KDM4B: variants seen among roughly 807,000 people sequenced by gnomAD.
KDM4B encodes the protein lysine demethylase 4B.
A neutral mutation model predicts 125.2 loss-of-function variants in KDM4B; 32 were observed. The observed-to-expected ratio is 0.26, with a 90% CI of 0.19 to 0.34. The LOEUF (loss-of-function observed/expected upper bound fraction) is 0.34. Among genes scored for constraint, KDM4B ranks in the 10% least tolerant of loss-of-function variants. KDM4B has a pLI of 1.00. For synonymous variants in KDM4B, 721 were observed against 677.9 expected (o/e 1.06, Z -0.99); for missense variants, 1,190 against 1,577.7 (o/e 0.75, Z 4.16).
At chr19:5,132,327 T>C (rs1434391411) in intron 13 of KDM4B, among the ~76,000 whole-genome samples, 2 of 151,974 alleles carry the variant, frequency 1.3e-5, no homozygotes, top group African/African-American at 2.4e-5. Flanking sequence ...CTCCAGGACT[T>C]GGAGAGGTTG....
In KDM4B at chr19:5,122,202, G is replaced by A. The variant is rs78907426; in HGVS notation, c.1315+2350G>A. Among the ~76,000 whole-genome samples, 180 of 152,276 alleles carry A rather than the reference G, an allele frequency of 1.2e-3. 2 individuals carry two copies. The East Asian group carries it at 0.029, about 25-fold the overall frequency. ...TTCCTGCCTGTCTCAGTGTCTAGAG[G>A]CGCCCACATCTCTTGGCTCAGAGCC... On this transcript the variant is annotated intron_variant, in intron 11 of 22. Coordinates refer to ENST00000159111, the MANE Select transcript of KDM4B (RefSeq NM_015015.3).
chr19:5,080,001 G>A (rs1035281991), intron 8 of KDM4B, among the ~76,000 whole-genome samples: 1 of 152,214 alleles, frequency 6.6e-6, no homozygotes, highest in Non-Finnish European at 1.5e-5. Flanking sequence ...AGCCCTTGGG[G>A]ACCCCATGTC....
At chr19:5,122,129 C>T (rs2039372266) in intron 11 of KDM4B, among the ~76,000 whole-genome samples, 1 of 152,208 alleles carries the variant, frequency 6.6e-6, no homozygotes, top group Non-Finnish European at 1.5e-5. Flanking sequence ...TAAAATCAAG[C>T]TGTGGGCAGG....
At chr19:5,137,534 TG>T in intron 16 of KDM4B, 86 bp from the exon 17 acceptor site, 2 of 1,384,750 alleles carry the variant, frequency 1.4e-6, no homozygotes. Flanking sequence ...GGCCGTGGGC[TG>T]GGGACGGTTG....
intron 10 of KDM4B, chr19:5,111,559 C>T (rs2039146909): frequency 1.3e-6 from 1 of 758,794 alleles, no homozygotes; most frequent in East Asian, 2.4e-5. Flanking sequence ...GCACCGGCCT[C>T]CCCAGCCCCT....
chr19:5,083,339 C>T (rs537353023), intron 9 of KDM4B, among the ~76,000 whole-genome samples: 8 of 152,304 alleles, frequency 5.3e-5, no homozygotes, highest in African/African-American at 1.9e-4. Flanking sequence ...CACCCCCTCC[C>T]CCATGGTCTC....
rs2034155800 is a variant in KDM4B at position 4,969,250 on chromosome 19, GC to G, written c.-109+23del. ...CCTCAGGTGAGCCCACGGGGAGGCC[GC>G]CCGGCCGTGTCCGAGCGCGGACCCC... is the stretch of plus-strand genomic sequence containing the variant. On this transcript the variant is annotated intron_variant, in intron 1 of 22. Coordinates refer to ENST00000159111, the MANE Select transcript of KDM4B (RefSeq NM_015015.3). 1 of 147,434 alleles carries G rather than the reference GC, an allele frequency of 6.8e-6. No homozygotes were observed. Among genetic ancestry groups the G allele is most frequent in the Non-Finnish European group, 1.5e-5 (1 of 66,260 alleles). The allele number at this position is 147,434 out of a possible 1,614,324, so 9.1% of individuals were successfully genotyped here.
chr19:5,150,757 C>T (rs1227400371), intron 22 of KDM4B, among the ~76,000 whole-genome samples: 2 of 152,222 alleles, frequency 1.3e-5, no homozygotes, highest in South Asian at 2.1e-4. Flanking sequence ...CCCCTGTGCC[C>T]TGCAGGACCC....
At chr19:4,996,285 G>A (rs1489301272) in intron 1 of KDM4B, among the ~76,000 whole-genome samples, 1 of 152,082 alleles carries the variant, frequency 6.6e-6, no homozygotes, top group South Asian at 2.1e-4. Flanking sequence ...CTACTGCACC[G>A]AACTACTTTT....
At position 5,084,550 on chromosome 19, in the gene KDM4B, AT is replaced by A. The variant is rs1401917676; in HGVS notation, c.918+2047del. On this transcript the variant is annotated intron_variant, in intron 9 of 22. Coordinates refer to ENST00000159111, the MANE Select transcript of KDM4B (RefSeq NM_015015.3). Reference sequence around the variant, plus strand: ...ATATGTTATTTATATATTATATATAATATATAAATTATATAAATTATATGTA... The same window carrying A: ...ATATGTTATTTATATATTATATATAAATATAAATTATATAAATTATATGTA... Among the ~76,000 whole-genome samples, 153 of 129,006 alleles carry A rather than the reference AT, an allele frequency of 1.2e-3. 4 individuals carry two copies. The highest frequency in any genetic ancestry group is 3.1e-3 in the African/African-American group (112 of 35,756). The allele number at this position is 129,006 out of a possible 152,430, so 84.6% of individuals were successfully genotyped here.
intron 9 of KDM4B, among the ~76,000 whole-genome samples, chr19:5,092,921 A>T (rs113315787): frequency 2.4e-5 from 2 of 82,520 alleles, no homozygotes; most frequent in South Asian, 8.1e-4. Context: ...AGGAGGGATC[A>T]GGGGAGGCCG....
intron 9 of KDM4B, among the ~76,000 whole-genome samples, chr19:5,100,405 T>TTTGTTG (rs141464434): frequency 3.3e-5 from 5 of 152,058 alleles, no homozygotes; most frequent in South Asian, 2.1e-4. Context: ...CTTTTTTGTT[T>TTTGTTG]TTGTTGTTGT....
intron 9 of KDM4B, among the ~76,000 whole-genome samples, chr19:5,109,907 C>T (rs999643118): frequency 6.6e-6 from 1 of 152,212 alleles, no homozygotes; most frequent in African/African-American, 2.4e-5. Context: ...TTATAAAATA[C>T]TCCGTATCCA....
intron 9 of KDM4B, among the ~76,000 whole-genome samples, chr19:5,084,573 TG>T: frequency 1.1e-5 from 1 of 89,270 alleles, no homozygotes; most frequent in Non-Finnish European, 2.6e-5. Flanking sequence ...ATAAATTATA[TG>T]TATTATATAT....
rs1184782267 is a variant in KDM4B, at chr19:5,151,881, T to TA, written c.*378dup. On this transcript the variant is annotated 3_prime_UTR_variant, in exon 23 of 23. Transcript: ENST00000159111. Reference sequence around the variant, plus strand: ...GCTCTTTCTATAAATACATATTGTTTAAAAAAAAGCAAGAAAAAAAGGAAA... The same window carrying TA: ...GCTCTTTCTATAAATACATATTGTTTAAAAAAAAAGCAAGAAAAAAAGGAAA... 5 of 201,148 alleles carry TA rather than the reference T, an allele frequency of 2.5e-5. No individual in the cohort carries two copies. Among genetic ancestry groups the TA allele is most frequent in the East Asian group, 1.1e-4 (1 of 9,220 alleles). The allele number at this position is 201,148 out of a possible 1,614,324, so 12.5% of individuals were successfully genotyped here. A position where few individuals can be genotyped will look rare whatever the true frequency, so the allele number is the denominator to read the frequency against.
intron 6 of KDM4B, among the ~76,000 whole-genome samples, chr19:5,064,318 C>T (rs1264482246): frequency 2.0e-5 from 3 of 152,212 alleles, no homozygotes; most frequent in African/African-American, 7.2e-5. Context: ...GATGATAGCG[C>T]ATTAAATGGC....
At chr19:5,059,693 C>T (rs1395248113) in intron 6 of KDM4B, among the ~76,000 whole-genome samples, 4 of 152,220 alleles carry the variant, frequency 2.6e-5, no homozygotes, top group African/African-American at 4.8e-5. Context: ...CAGGCCATCT[C>T]GGTCACCAGG....
At chr19:5,138,876 T>G (rs1182488879) in intron 18 of KDM4B, among the ~76,000 whole-genome samples, 1 of 152,190 alleles carries the variant, frequency 6.6e-6, no homozygotes, top group African/African-American at 2.4e-5. Context: ...TTGCCTGTGT[T>G]ATAGACCCCA....
At chr19:5,089,256 A>G (rs914371515) in intron 9 of KDM4B, among the ~76,000 whole-genome samples, 2 of 152,206 alleles carry the variant, frequency 1.3e-5, no homozygotes, top group Non-Finnish European at 2.9e-5. Context: ...GTAATCCAGA[A>G]TAAAAACTGG....
Sources: gnomAD v4.1 joint callset for allele counts (sites outside exome capture counted in the v4.1 genomes callset) on GRCh38, gnomAD v4.1.1 for gene constraint, MANE v1.5 for transcripts, NCBI Gene and HGNC (gene_info 2026-07-23, HGNC 2026-07-21) for gene names.